Variants in IMMP2L observed in about 807,000 individuals in gnomAD.
IMMP2L encodes the protein inner mitochondrial membrane peptidase subunit 2.
A neutral mutation model predicts 19.3 loss-of-function variants in IMMP2L; 18 were observed. That is an observed-to-expected ratio of 0.93 (90% CI 0.64 to 1.38). The LOEUF is 1.38. Ranked by LOEUF, IMMP2L falls within the 40% of genes most tolerant of loss-of-function variation. IMMP2L has a pLI of 0.00. For missense variants in IMMP2L, 233 were observed against 218.2 expected (o/e 1.07, Z -0.43); for synonymous variants, 76 against 73.0 (o/e 1.04, Z -0.21).
chr7:110,748,159 A>T (rs1035829026), intron 5 of IMMP2L, among the ~76,000 whole-genome samples: 2 of 152,200 alleles, frequency 1.3e-5, no homozygotes, highest in African/African-American at 4.8e-5. Context: ...TGTTACAAAG[A>T]GAATAAAATA....
intron 3 of IMMP2L, among the ~76,000 whole-genome samples, chr7:111,231,385 C>CA (rs963703027): frequency 2.7e-4 from 41 of 151,864 alleles, no homozygotes; most frequent in Non-Finnish European, 3.8e-4. Flanking sequence ...TTGATTTTCC[C>CA]AAAAAGGCAA....
chr7:111,276,402 G>A (rs1040528183), intron 3 of IMMP2L, among the ~76,000 whole-genome samples: 1 of 152,040 alleles, frequency 6.6e-6, no homozygotes, highest in Non-Finnish European at 1.5e-5. Flanking sequence ...TTGGTCTGCA[G>A]TTTTCTTTTA....
intron 3 of IMMP2L, among the ~76,000 whole-genome samples, chr7:111,026,606 C>A (rs1399837333): frequency 6.6e-6 from 1 of 152,086 alleles, no homozygotes; most frequent in Non-Finnish European, 1.5e-5. Context: ...CTTGAAAACA[C>A]TGAATCAAGT....
chr7:111,104,278 A>C (rs1022638364), intron 3 of IMMP2L, among the ~76,000 whole-genome samples: 1 of 151,560 alleles, frequency 6.6e-6, no homozygotes, highest in Non-Finnish European at 1.5e-5. Context: ...TCCTTCTCCC[A>C]CTCCCTCTGT....
intron 3 of IMMP2L, among the ~76,000 whole-genome samples, chr7:111,056,739 G>C (rs1192161683): frequency 6.6e-6 from 1 of 152,070 alleles, no homozygotes; most frequent in Admixed American, 6.5e-5. Flanking sequence ...CTGGAGAAAA[G>C]AAAATGTTAA....
intron 5 of IMMP2L, among the ~76,000 whole-genome samples, chr7:110,770,331 T>C (rs1341954472): frequency 6.6e-6 from 1 of 152,150 alleles, no homozygotes; most frequent in African/African-American, 2.4e-5. Context: ...TGCCCCCCAA[T>C]ATAATGGCAC....
intron 3 of IMMP2L, among the ~76,000 whole-genome samples, chr7:111,359,378 T>G (rs1829037007): frequency 6.6e-6 from 1 of 152,054 alleles, no homozygotes; most frequent in South Asian, 2.1e-4. Context: ...CTCAGCTCAC[T>G]GCAACTTCCA....
chr7:110,898,020 A>G (rs1413483479), intron 4 of IMMP2L, among the ~76,000 whole-genome samples: 1 of 151,142 alleles, frequency 6.6e-6, no homozygotes, highest in Non-Finnish European at 1.5e-5. Context: ...AAGAGCATAG[A>G]CAAAAAAAAA....
chr7:110,780,208 T>C (rs559020871), intron 5 of IMMP2L, among the ~76,000 whole-genome samples: 75 of 151,430 alleles, frequency 5.0e-4, no homozygotes, highest in South Asian at 2.5e-3. Context: ...AAAAACAAGG[T>C]TGATCCAAAT....
intron 3 of IMMP2L, among the ~76,000 whole-genome samples, chr7:111,020,610 A>C (rs901835597): frequency 3.3e-5 from 5 of 151,968 alleles, no homozygotes; most frequent in African/African-American, 1.2e-4. Context: ...AAAAACACAA[A>C]ATTTAGCAGG....
chr7:111,532,963 G>A (rs1263078855), intron 1 of IMMP2L, among the ~76,000 whole-genome samples: 1 of 152,192 alleles, frequency 6.6e-6, no homozygotes, highest in African/African-American at 2.4e-5. Flanking sequence ...CTTGGAATGA[G>A]TGCTTATGGT....
chr7:111,426,093 C>G (rs1461730669), intron 3 of IMMP2L, among the ~76,000 whole-genome samples: 1 of 150,950 alleles, frequency 6.6e-6, no homozygotes. Context: ...GTACAGGGAG[C>G]AGAAAGTTCA....
intron 4 of IMMP2L, among the ~76,000 whole-genome samples, chr7:110,950,839 G>GGC (rs1277774713): frequency 1.6e-4 from 11 of 70,512 alleles, no homozygotes; most frequent in African/African-American, 6.8e-4. Context: ...CACAAAATGT[G>GGC]GCATATATAT....
intron 3 of IMMP2L, among the ~76,000 whole-genome samples, chr7:111,150,716 T>C (rs1378046779): frequency 6.6e-6 from 1 of 152,238 alleles, no homozygotes. Flanking sequence ...TCTACAGATA[T>C]ACATATGTAT....
At chr7:111,279,688 CAT>C (rs1819486207) in intron 3 of IMMP2L, among the ~76,000 whole-genome samples, 1 of 152,136 alleles carries the variant, frequency 6.6e-6, no homozygotes, top group African/African-American at 2.4e-5. Flanking sequence ...GGTGCAAAAA[CAT>C]GTGCTTTTAA....
At chr7:111,504,729 T>C (rs1209851372) in intron 2 of IMMP2L, among the ~76,000 whole-genome samples, 24 of 152,088 alleles carry the variant, frequency 1.6e-4, no homozygotes, top group South Asian at 2.1e-4. Flanking sequence ...GGAAAGGATT[T>C]CCTATTTAAT....
intron 3 of IMMP2L, among the ~76,000 whole-genome samples, chr7:111,304,547 A>G (rs188245099): frequency 5.7e-4 from 87 of 152,068 alleles, no homozygotes; most frequent in African/African-American, 2.0e-3. Flanking sequence ...GTGTGTATAT[A>G]TATGTGTGTG....
intron 3 of IMMP2L, among the ~76,000 whole-genome samples, chr7:111,126,079 C>A (rs1265962561): frequency 6.6e-6 from 1 of 151,934 alleles, no homozygotes; most frequent in Non-Finnish European, 1.5e-5. Context: ...CACCTCGGTG[C>A]CCCAAAGTAT....
chr7:111,211,306 G>A (rs567324667), intron 3 of IMMP2L, among the ~76,000 whole-genome samples: 7 of 152,138 alleles, frequency 4.6e-5, no homozygotes, highest in East Asian at 1.9e-4. Context: ...GACTCTATGC[G>A]GAACTACAAA....
Sources: gnomAD v4.1 joint callset for allele counts (sites outside exome capture counted in the v4.1 genomes callset) on GRCh38, gnomAD v4.1.1 for gene constraint, MANE v1.5 for transcripts, NCBI Gene and HGNC (gene_info 2026-07-23, HGNC 2026-07-21) for gene names.